SYTL3: variants seen among roughly 807,000 people sequenced by gnomAD.
SYTL3 encodes synaptotagmin like 3.
A neutral mutation model predicts 82.1 loss-of-function variants in SYTL3; 88 were observed. The ratio of observed to expected loss-of-function variants is 1.07; its 90% CI spans 0.90 to 1.28. The LOEUF is 1.28. SYTL3 is among the 50% of genes most tolerant of loss of function. The pLI is 0.00. For synonymous variants in SYTL3, 311 were observed against 289.4 expected (o/e 1.07, Z -0.76); for missense variants, 831 against 757.6 (o/e 1.10, Z -1.14).
In SYTL3 at chr6:158,663,254, G is replaced by A; in HGVS notation, c.-15G>A. The stretch of plus-strand genomic sequence containing the variant: ...TGAAGCTCTTCCAACCTGGGTCAAC[G>A]AAAACGGAGAAGAAATGGCCCAAGA... On this transcript the variant is annotated 5_prime_UTR_variant, in exon 4 of 18. Coordinates refer to ENST00000611299, the MANE Select transcript of SYTL3 (RefSeq NM_001242394.2). The A allele has an allele frequency of 1.2e-6, 2 of 1,613,776 alleles. No individual in the cohort carries two copies. The highest frequency in any genetic ancestry group is 1.7e-6 in the Non-Finnish European group (2 of 1,179,734).
intron 11 of SYTL3, among the ~76,000 whole-genome samples, chr6:158,733,694 G>A (rs1785725275): frequency 6.6e-6 from 1 of 152,014 alleles, no homozygotes; most frequent in Non-Finnish European, 1.5e-5. Flanking sequence ...TGTAAAGTCT[G>A]GCTCCAGCCA....
At chr6:158,659,738 T>G (rs947422233) in intron 2 of SYTL3, among the ~76,000 whole-genome samples, 3 of 152,232 alleles carry the variant, frequency 2.0e-5, no homozygotes, top group Admixed American at 2.0e-4. Context: ...TCTTGACTTT[T>G]CATTTCGTTT....
At chr6:158,648,170 G>A (rs1041249150), upstream of SYTL3, among the ~76,000 whole-genome samples, 4 of 152,146 alleles carry the variant, frequency 2.6e-5, no homozygotes, top group Admixed American at 1.3e-4. Context: ...GTGCATGCTT[G>A]TAATCCCAGC....
At chr6:158,715,023 C>T (rs759546420) in intron 9 of SYTL3, among the ~76,000 whole-genome samples, 10 of 152,166 alleles carry the variant, frequency 6.6e-5, no homozygotes, top group African/African-American at 9.7e-5. Flanking sequence ...GCTTAAAAAT[C>T]ACTGTTTCCA....
At chr6:158,758,386 C>T (rs889097812) in intron 14 of SYTL3, among the ~76,000 whole-genome samples, 11 of 149,852 alleles carry the variant, frequency 7.3e-5, no homozygotes, top group African/African-American at 2.2e-4. Flanking sequence ...TGCAATGAGT[C>T]GAGATTGCAC....
intron 5 of SYTL3, among the ~76,000 whole-genome samples, chr6:158,671,212 G>A (rs1211371745): frequency 6.6e-6 from 1 of 152,210 alleles, no homozygotes; most frequent in East Asian, 1.9e-4. Context: ...AATAGTGTGT[G>A]TGTCATTCTT....
intron 5 of SYTL3, among the ~76,000 whole-genome samples, chr6:158,671,902 G>A (rs1170414639): frequency 6.6e-6 from 1 of 151,968 alleles, no homozygotes; most frequent in Non-Finnish European, 1.5e-5. Flanking sequence ...AACCAACTTT[G>A]CATTTTATAA....
chr6:158,763,650 T>C (rs3123100), intron 17 of SYTL3, 141 bp downstream of exon 17: 284 of 690,594 alleles, frequency 4.1e-4, no homozygotes, highest in Non-Finnish European at 6.0e-4. Context: ...AATGCCTAAG[T>C]CTAGTTTTTA....
At chr6:158,732,484 G>A (rs1439967163) in intron 11 of SYTL3, among the ~76,000 whole-genome samples, 1 of 152,224 alleles carries the variant, frequency 6.6e-6, no homozygotes, top group Non-Finnish European at 1.5e-5. Flanking sequence ...TTTCCACTCG[G>A]ACAGTCCTCT....
intron 5 of SYTL3, among the ~76,000 whole-genome samples, chr6:158,668,696 C>T (rs562656819): frequency 1.3e-5 from 2 of 152,218 alleles, no homozygotes; most frequent in African/African-American, 4.8e-5. Flanking sequence ...CTGAGAGTTG[C>T]TGCAGTGAAT....
At chr6:158,653,476 C>G (rs573500381) in intron 2 of SYTL3, among the ~76,000 whole-genome samples, 1 of 151,704 alleles carries the variant, frequency 6.6e-6, no homozygotes, top group Non-Finnish European at 1.5e-5. Context: ...ATTGCATTCC[C>G]GCCTGGGCAA....
At chr6:158,757,117 G>C in intron 13 of SYTL3, 94 bp from the exon 14 acceptor site, 1 of 1,280,532 alleles carries the variant, frequency 7.8e-7, no homozygotes, top group Non-Finnish European at 1.1e-6. Flanking sequence ...CAGGCCCCGG[G>C]AAGTGGGGCC....
chr6:158,721,486 C>T (rs373457184), intron 10 of SYTL3, among the ~76,000 whole-genome samples: 1 of 152,080 alleles, frequency 6.6e-6, no homozygotes, highest in Non-Finnish European at 1.5e-5. Context: ...GCTAGGATTA[C>T]AGGTGTGAGC....
At chr6:158,761,301 CTTTTT>C (rs11463987) in intron 15 of SYTL3, among the ~76,000 whole-genome samples, 1 of 93,886 alleles carries the variant, frequency 1.1e-5, no homozygotes, top group Non-Finnish European at 2.1e-5. Flanking sequence ...ATGCACATTT[CTTTTT>C]TTTTTTTTTT....
chr6:158,695,722 C>A (rs1372214082), intron 6 of SYTL3, among the ~76,000 whole-genome samples: 1 of 152,196 alleles, frequency 6.6e-6, no homozygotes, highest in African/African-American at 2.4e-5. Flanking sequence ...GTCCTACATT[C>A]TGTCTTTATG....
At chr6:158,712,268 C>T (rs1782841574) in intron 8 of SYTL3, among the ~76,000 whole-genome samples, 1 of 152,098 alleles carries the variant, frequency 6.6e-6, no homozygotes, top group Non-Finnish European at 1.5e-5. Flanking sequence ...GTGGGTGGTG[C>T]CTGCCAATAT....
chr6:158,692,048 G>A lies in SYTL3; in HGVS notation c.394+9059G>A, dbSNP rs1583252002. ...CGAGGCGGGCGGATCACGAGGTCAG[G>A]AGATCGAGACCATCCTGGCTAACAC... On this transcript the variant is annotated intron_variant, in intron 6 of 17. Coordinates refer to ENST00000611299, the MANE Select transcript of SYTL3 (RefSeq NM_001242394.2). 4.8e-5 allele frequency among the ~76,000 whole-genome samples: 7 copies of A among 146,356 alleles called. 1 individual carries two copies. The South Asian group carries it at 1.5e-3, about 32-fold the overall frequency.
chr6:158,760,331 G>A (rs1789738663), intron 14 of SYTL3, among the ~76,000 whole-genome samples: 1 of 152,206 alleles, frequency 6.6e-6, no homozygotes, highest in African/African-American at 2.4e-5. Context: ...CTCAGGCTGT[G>A]TCTGGGTTTT....
intron 11 of SYTL3, among the ~76,000 whole-genome samples, chr6:158,727,344 G>A (rs1784858712): frequency 6.6e-6 from 1 of 151,116 alleles, no homozygotes; most frequent in South Asian, 2.1e-4. Context: ...GCTAATTTTT[G>A]TATTTTTAGT....
Sources: gnomAD v4.1 joint callset for allele counts (sites outside exome capture counted in the v4.1 genomes callset) on GRCh38, gnomAD v4.1.1 for gene constraint, MANE v1.5 for transcripts, NCBI Gene and HGNC (gene_info 2026-07-23, HGNC 2026-07-21) for gene names.